The following RARB variants were observed in gnomAD, a reference collection of about 807,000 sequenced individuals.
The protein encoded by RARB is retinoic acid receptor beta.
A neutral mutation model predicts 51.9 loss-of-function variants in RARB; 17 were observed. The ratio of observed to expected loss-of-function variants is 0.33; its 90% CI spans 0.22 to 0.49. The LOEUF is 0.49. RARB is among the 20% of genes least tolerant of loss of function. The pLI is 0.99. For missense variants in RARB, 369 were observed against 550.8 expected, an observed-to-expected ratio of 0.67 and a Z score of 3.30; for synonymous variants, 215 against 195.4, an observed-to-expected ratio of 1.10 and a Z score of -0.84.
chr3:25,225,525 T>C (rs4681038), intron 5 of RARB, among the ~76,000 whole-genome samples: 70,125 of 151,980 alleles, frequency 0.46, 17,518 homozygotes, highest in East Asian at 0.68. Flanking sequence ...TAAGACCTTA[T>C]GCTTTCTAGA....
rs57477720 is a variant in RARB at position 25,094,716 on chromosome 3, C to CAAAAAAAAAAAAAA, written c.-328+34552_-328+34565dup. Reference sequence around the variant, plus strand: ...TGGGAGACAGAGTGAGACCCCATCTCAAAAAAAAAAAAAAAAAAAAAAAAA... The same window carrying CAAAAAAAAAAAAAA: ...TGGGAGACAGAGTGAGACCCCATCTCAAAAAAAAAAAAAAAAAAAAAAAAAAAAAAAAAAAAAAA... On this transcript the variant is annotated intron_variant, in intron 3 of 11. Coordinates refer to the RARB transcript ENST00000383772. Among the ~76,000 whole-genome samples the CAAAAAAAAAAAAAA allele has an allele frequency of 3.9e-3, 169 of 43,094 alleles. 13 individuals are homozygous for CAAAAAAAAAAAAAA. Among genetic ancestry groups the CAAAAAAAAAAAAAA allele is most frequent in the Non-Finnish European group, 5.7e-3 (144 of 25,438 alleles). The allele number at this position is 43,094 out of a possible 152,430, so 28.3% of individuals were successfully genotyped here.
chr3:25,327,806 T>C lies in RARB; in HGVS notation c.179-133387T>C, dbSNP rs2125443202. On this transcript the variant is annotated intron_variant, in intron 5 of 11. Coordinates refer to the RARB transcript ENST00000383772. ...CTGAGATTGGATGCAAACAATGTAA[T>C]TGGTATATTATCTGGTCTATTTGAC... 1.3e-5 allele frequency among the ~76,000 whole-genome samples: 2 copies of C among 152,304 alleles called. 1 individual carries two copies. The highest frequency in any genetic ancestry group is 6.8e-3 in the Middle Eastern group (2 of 294).
chr3:24,980,662 G>A (rs192363591), intron 2 of RARB, among the ~76,000 whole-genome samples: 242 of 152,076 alleles, frequency 1.6e-3, no homozygotes, highest in African/African-American at 5.5e-3. Context: ...TTAGCCATTC[G>A]TCTAACCTTT....
chr3:24,897,031 G>C (rs950141759), intron 2 of RARB, among the ~76,000 whole-genome samples: 15 of 152,222 alleles, frequency 9.9e-5, no homozygotes, highest in Non-Finnish European at 2.1e-4. Context: ...ACGACTGGAA[G>C]TCAGAGGCTG....
At chr3:25,594,964 T>C (rs1701762941) in intron 7 of RARB, among the ~76,000 whole-genome samples, 1 of 152,202 alleles carries the variant, frequency 6.6e-6, no homozygotes, top group African/African-American at 2.4e-5. Context: ...AGGCTAATTC[T>C]CTAGGTTCAT....
chr3:25,430,647 C>T (rs1233895581), intron 1 of RARB, among the ~76,000 whole-genome samples: 1 of 152,134 alleles, frequency 6.6e-6, no homozygotes, highest in African/African-American at 2.4e-5. Flanking sequence ...GGAGAGCGAG[C>T]GGTGAATGTG....
At chr3:24,895,136 C>A (rs760132037) in intron 2 of RARB, among the ~76,000 whole-genome samples, 3 of 152,134 alleles carry the variant, frequency 2.0e-5, no homozygotes, top group Non-Finnish European at 4.4e-5. Flanking sequence ...TCACAAGAAT[C>A]ATTTGGTCAG....
intron 2 of RARB, among the ~76,000 whole-genome samples, chr3:24,994,439 T>C (rs952552985): frequency 2.6e-5 from 4 of 152,172 alleles, no homozygotes; most frequent in African/African-American, 9.6e-5. Flanking sequence ...TTTCTCCCAT[T>C]AGGTAGGTTG....
chr3:25,183,884 CT>C (rs1268372196), intron 5 of RARB, among the ~76,000 whole-genome samples: 1 of 152,092 alleles, frequency 6.6e-6, no homozygotes, highest in East Asian at 1.9e-4. Flanking sequence ...GTTGTACACA[CT>C]TTTGGTGTCC....
chr3:25,456,911 C>G (rs1179025859), intron 1 of RARB, among the ~76,000 whole-genome samples: 3 of 151,866 alleles, frequency 2.0e-5, no homozygotes, highest in African/African-American at 7.3e-5. Context: ...AAAAACATAG[C>G]CCAGTCACTT....
At chr3:25,328,309 G>A (rs1372347462) in intron 5 of RARB, among the ~76,000 whole-genome samples, 2 of 152,204 alleles carry the variant, frequency 1.3e-5, no homozygotes, top group Admixed American at 1.3e-4. Flanking sequence ...CACCTCAGGT[G>A]AGGAGTTCAA....
chr3:24,840,496 G>A (rs1702406698), intron 1 of RARB, among the ~76,000 whole-genome samples: 1 of 152,058 alleles, frequency 6.6e-6, no homozygotes, highest in South Asian at 2.1e-4. Flanking sequence ...TGATGCCTAA[G>A]GACCTGATGC....
intron 2 of RARB, among the ~76,000 whole-genome samples, chr3:25,499,436 G>A (rs890071027): frequency 2.0e-5 from 3 of 152,130 alleles, no homozygotes; most frequent in Non-Finnish European, 4.4e-5. Context: ...AAGGCAGCAG[G>A]TATACCCTTC....
At chr3:24,904,144 G>A (rs1448559810) in intron 2 of RARB, among the ~76,000 whole-genome samples, 1 of 152,046 alleles carries the variant, frequency 6.6e-6, no homozygotes, top group East Asian at 1.9e-4. Context: ...CACCAACCAG[G>A]GTCTACAGTT....
At chr3:25,155,329 C>T (rs1254095050) in intron 4 of RARB, among the ~76,000 whole-genome samples, 1 of 152,134 alleles carries the variant, frequency 6.6e-6, no homozygotes, top group Non-Finnish European at 1.5e-5. Flanking sequence ...CATTGCATTG[C>T]TATTATTTTG....
intron 5 of RARB, among the ~76,000 whole-genome samples, chr3:25,377,997 A>C (rs1706514422): frequency 6.6e-6 from 1 of 152,228 alleles, no homozygotes; most frequent in South Asian, 2.1e-4. Flanking sequence ...CACTTAGTAG[A>C]CACAGGCACT....
At chr3:25,128,826 T>C (rs1000196369) in intron 3 of RARB, among the ~76,000 whole-genome samples, 2 of 151,784 alleles carry the variant, frequency 1.3e-5, no homozygotes, top group African/African-American at 4.8e-5. Context: ...AAGGAAGAGA[T>C]ATAGAAAAAA....
rs184829220 is a variant in RARB at position 25,285,469 on chromosome 3, G to A, written c.178+110894G>A. On this transcript the variant is annotated intron_variant, in intron 5 of 11. Coordinates refer to the RARB transcript ENST00000383772. The stretch of plus-strand genomic sequence containing the variant: ...AGGAAGACATTTAAGGGGGCTGTTG[G>A]TAGTGACATGATCACTTCAGAAAGG... 1.6e-3 allele frequency among the ~76,000 whole-genome samples: 238 copies of A among 152,312 alleles called. 4 individuals are homozygous for A. Among genetic ancestry groups the A allele is most frequent in the Middle Eastern group, 0.01 (3 of 294 alleles).
At chr3:25,548,101 CTTTTTT>C (rs66817079) in intron 3 of RARB, among the ~76,000 whole-genome samples, 5 of 126,300 alleles carry the variant, frequency 4.0e-5, no homozygotes, top group African/African-American at 1.2e-4. Flanking sequence ...ATTCATTTGG[CTTTTTT>C]TTTTTTTTTT....
Sources: allele counts gnomAD v4.1 joint callset (sites outside exome capture counted in the v4.1 genomes callset), GRCh38; gene constraint gnomAD v4.1.1; transcripts MANE v1.5; gene names NCBI Gene and HGNC (gene_info 2026-07-23, HGNC 2026-07-21).